Variants in CA7 observed in about 807,000 individuals in gnomAD.
CA7 encodes the protein carbonate dehydratase VII.
A neutral mutation model predicts 31.4 loss-of-function variants in CA7; 13 were observed. The observed-to-expected ratio is 0.41, with a 90% confidence interval of 0.27 to 0.66. The LOEUF (loss-of-function observed/expected upper bound fraction) is 0.66, where lower values mean the gene tolerates loss of function less well. Ranked by LOEUF, CA7 falls within the 30% of genes least tolerant of loss-of-function variation. The probability of loss-of-function intolerance (pLI) is 0.28; values close to 1 mark genes in which losing one functional copy is unlikely to be tolerated. For synonymous variants in CA7, 128 were observed against 133.2 expected (o/e 0.96, Z 0.27); for missense variants, 215 against 351.0 (o/e 0.61, Z 3.10).
chr16:66,851,627 A>G lies in CA7; in HGVS notation c.454-37A>G, dbSNP rs74938147. On this transcript the variant is annotated intron_variant, in intron 4 of 6. Transcript: ENST00000338437. ...GGCACTGCCCCTAGTTCTAGAACAC[A>G]GTGGGCTCTGGGCTCACACTGCCCT... 9.4e-4 allele frequency: 1,509 copies of G among 1,613,534 alleles called. 20 individuals carry two copies. In the African/African-American group the frequency reaches 0.018, roughly 19 times the overall value.
chr16:66,846,314 G>C (rs902911233), intron 1 of CA7, among the ~76,000 whole-genome samples: 3 of 152,172 alleles, frequency 2.0e-5, no homozygotes, highest in African/African-American at 7.2e-5. Flanking sequence ...AGGGCTGTGT[G>C]TGTGTTTGTA....
At chr16:66,844,874 G>A in intron 1 of CA7, 1 of 1,068,348 alleles carries the variant, frequency 9.4e-7, no homozygotes, top group South Asian at 4.5e-5. Flanking sequence ...GGTGGCCCAG[G>A]GCAGCGGGGG....
chr16:66,851,424 C>T, intron 3 of CA7, 39 bp from the exon 4 acceptor site: 2 of 1,552,060 alleles, frequency 1.3e-6, no homozygotes, highest in South Asian at 2.2e-5. Context: ...CCCATTGCCT[C>T]TGGGAGGCAC....
chr16:66,847,339 C>G lies in CA7; in HGVS notation c.238+112C>G, dbSNP rs1960950834. 6 of 904,532 alleles carry G rather than the reference C, an allele frequency of 6.6e-6. No individual in the cohort carries two copies. In the South Asian group the frequency reaches 9.1e-5, roughly 14 times the overall value. 56.0% of individuals were successfully genotyped at this position (904,532 alleles called of 1,614,324 possible). A position where few individuals can be genotyped will look rare whatever the true frequency, so the allele number is the denominator to read the frequency against. On this transcript the variant is annotated intron_variant, in intron 2 of 6. Transcript: ENST00000338437. The stretch of plus-strand genomic sequence containing the variant: ...ATGGTGGGTAAGAAAGGTTCCTCCT[C>G]TCACCAGCTGTGAAGCCTTGGGCTG...
intron 1 of CA7, among the ~76,000 whole-genome samples, chr16:66,845,787 C>T (rs1193010006): frequency 2.4e-4 from 37 of 152,196 alleles, no homozygotes; most frequent in Admixed American, 2.4e-3. Flanking sequence ...CAGCTCTGAG[C>T]ACCCAGTGTC....
At chr16:66,850,402 T>C (rs1961014643) in intron 2 of CA7, 139 bp from the exon 3 acceptor site, 6 of 680,416 alleles carry the variant, frequency 8.8e-6, no homozygotes, top group South Asian at 1.6e-5. Flanking sequence ...GTTTGCACCA[T>C]GGCACTCCAG....
In CA7 at chr16:66,854,028, C is replaced by T. The variant is rs183077369; in HGVS notation, c.*530C>T. On this transcript the variant is annotated 3_prime_UTR_variant, in exon 7 of 7. Coordinates refer to ENST00000338437, the MANE Select transcript of CA7 (RefSeq NM_005182.3). ...TTCTCCCTCCAGCCACCTGCTGCCACGGGCAGGCCCTGGCTATAGCTTATA... is the reference window on the plus strand; with the variant it reads ...TTCTCCCTCCAGCCACCTGCTGCCATGGGCAGGCCCTGGCTATAGCTTATA... The T allele has an allele frequency of 5.2e-3, 813 of 155,568 alleles. 32 individuals are homozygous for T. Among genetic ancestry groups the T allele is most frequent in the Admixed American group, 0.049 (781 of 15,988 alleles). 9.6% of individuals were successfully genotyped at this position (155,568 alleles called of 1,614,324 possible).
At chr16:66,844,958 A>G in intron 1 of CA7, 2 of 1,001,132 alleles carry the variant, frequency 2.0e-6, no homozygotes, top group Non-Finnish European at 2.4e-6. Flanking sequence ...ACCTCGGGGG[A>G]GCGGGGCTCC....
intron 1 of CA7, chr16:66,845,307 G>C (rs1256297243): frequency 1.1e-6 from 1 of 879,686 alleles, no homozygotes; most frequent in African/African-American, 1.8e-5. Flanking sequence ...ACCAAGCAGG[G>C]GTGGGGGTGT....
intron 2 of CA7, among the ~76,000 whole-genome samples, chr16:66,850,032 A>C (rs1961005735): frequency 6.6e-6 from 1 of 151,334 alleles, no homozygotes; most frequent in African/African-American, 2.4e-5. Flanking sequence ...AGGCAGGAGA[A>C]ATGCTTGAAC....
At chr16:66,848,990 G>A (rs1960983513) in intron 2 of CA7, among the ~76,000 whole-genome samples, 1 of 152,164 alleles carries the variant, frequency 6.6e-6, no homozygotes, top group Admixed American at 6.5e-5. Context: ...CAAGAAAGAG[G>A]GACTTCTGGA....
chr16:66,851,374 C>G (rs1961044682), intron 3 of CA7, 89 bp from the exon 4 acceptor site: 1 of 1,074,904 alleles, frequency 9.3e-7, no homozygotes, highest in African/African-American at 1.6e-5. Flanking sequence ...GCAAAGAGGC[C>G]AGGGGTCTGG....
chr16:66,845,049 G>A (rs1597059802), intron 1 of CA7: 1 of 986,160 alleles, frequency 1.0e-6, no homozygotes, highest in Non-Finnish European at 1.2e-6. Flanking sequence ...GTACGTGAGG[G>A]AAGGGGGCAC....
In CA7 at chr16:66,853,367, TTCC is replaced by T. The variant is rs1321114121; in HGVS notation, c.673-6_673-4del. 7 of 1,613,936 alleles carry T rather than the reference TTCC, an allele frequency of 4.3e-6. No homozygotes were observed. The highest frequency in any genetic ancestry group is 5.9e-6 in the Non-Finnish European group (7 of 1,179,974). On this transcript the variant is annotated splice_polypyrimidine_tract_variant and splice_region_variant and intron_variant, in intron 6 of 6. Transcript: ENST00000338437. The surrounding 1 kb of genome is among the most constrained non-coding windows in gnomAD (Gnocchi z 4.5). ...AATCTGCCCTGAGCATTCCTTCTGC[TTCC>T]TCAAGATGGGGAAGTTCCGGAGCCT...
intron 2 of CA7, among the ~76,000 whole-genome samples, chr16:66,849,802 T>C (rs1462613108): frequency 6.6e-6 from 1 of 152,166 alleles, no homozygotes; most frequent in Non-Finnish European, 1.5e-5. Context: ...GACAGGGGTC[T>C]AGGGGGCAGT....
chr16:66,851,771 G>A (rs759606722), intron 5 of CA7, 45 bp downstream of exon 5: 6 of 1,559,278 alleles, frequency 3.8e-6, no homozygotes, highest in Non-Finnish European at 5.3e-6. Flanking sequence ...GGGGAGAGAG[G>A]AAGAGGCTGG....
intron 2 of CA7, among the ~76,000 whole-genome samples, 190 bp downstream of exon 2, chr16:66,847,417 G>A (rs1960952943): frequency 6.6e-6 from 1 of 152,200 alleles, no homozygotes; most frequent in African/African-American, 2.4e-5. Flanking sequence ...ACCCTCTTAG[G>A]TCATAGAGGG....
chr16:66,844,882 G>C (rs1567504562), intron 1 of CA7: 1 of 1,071,702 alleles, frequency 9.3e-7, no homozygotes, highest in East Asian at 5.8e-5. Flanking sequence ...AGGGCAGCGG[G>C]GGGCGGGCGC....
At position 66,853,271 on chromosome 16, in the gene CA7, G is replaced by A. The variant is rs910390750; in HGVS notation, c.673-105G>A. The A allele has an allele frequency of 7.2e-7, 1 of 1,397,060 alleles. No homozygotes were observed. The highest frequency in any genetic ancestry group is 2.3e-5 in the East Asian group (1 of 43,588). The allele number at this position is 1,397,060 out of a possible 1,614,324, so 86.5% of individuals were successfully genotyped here. On this transcript the variant is annotated intron_variant, in intron 6 of 6. Coordinates refer to ENST00000338437, the MANE Select transcript of CA7 (RefSeq NM_005182.3). This position sits in a 1 kb window ranked among gnomAD's most constrained non-coding sequence, Gnocchi z 4.5. ...GGACAGACCCTAAGGGAAGGAGGAGGGAGGGGTAGAGCTGGCTGGGCAGGT... is the reference window on the plus strand; with the variant it reads ...GGACAGACCCTAAGGGAAGGAGGAGAGAGGGGTAGAGCTGGCTGGGCAGGT...
Sources: allele counts gnomAD v4.1 joint callset (sites outside exome capture counted in the v4.1 genomes callset), GRCh38; gene constraint gnomAD v4.1.1; non-coding constraint Gnocchi (gnomAD v3.1); transcripts MANE v1.5; gene names NCBI Gene and HGNC (gene_info 2026-07-23, HGNC 2026-07-21).